Variants in KCNH2 observed in about 807,000 individuals in gnomAD.
The protein encoded by KCNH2 is potassium voltage-gated channel subfamily H member 2, also known as voltage-gated inwardly rectifying potassium channel KCNH2.
Under a neutral mutation model 95.9 loss-of-function variants are expected in KCNH2, and 35 were observed. The observed-to-expected ratio is 0.37, with a 90% CI of 0.28 to 0.48. KCNH2 has a LOEUF of 0.48. Ranked by LOEUF, KCNH2 falls within the 20% of genes least tolerant of loss-of-function variation. The pLI is 0.99. For synonymous variants in KCNH2, 786 were observed against 754.7 expected, an observed-to-expected ratio of 1.04 and a Z score of -0.68; for missense variants, 1,274 against 1,702.9, an observed-to-expected ratio of 0.75 and a Z score of 4.43.
Position 150,958,314 on chromosome 7 carries a change from G to C in KCNH2, c.661C>G (p.His221Asp), listed in dbSNP as rs1801452829. The C allele has an allele frequency of 6.7e-7, 1 of 1,483,456 alleles. No individual in the cohort carries two copies. Among genetic ancestry groups the C allele is most frequent in the Non-Finnish European group, 8.9e-7 (1 of 1,123,582 alleles). The allele number at this position is 1,483,456 out of a possible 1,614,324, so 91.9% of individuals were successfully genotyped here. Residue 221 changes from histidine to aspartate, a missense_variant, in exon 4 of 15, where the codon CAC becomes GAC. By Grantham distance (81) the His-to-Asp change is moderately conservative (BLOSUM62 -1). This residue lies in a region of KCNH2 where 392 missense variants were observed against 429.9 expected (regional missense o/e 0.91). Transcript: ENST00000262186. ...ALDEVTAMDN[H>D]VAGLGPAEER... ...TCCGCGGGCCCGAGCCCTGCCACGT[G>C]GTTGTCCATGGCTGTCACTTCGTCC...
At chr7:150,972,457 A>C (rs1214968100) in intron 2 of KCNH2, among the ~76,000 whole-genome samples, 1 of 152,230 alleles carries the variant, frequency 6.6e-6, no homozygotes, top group East Asian at 1.9e-4. Context: ...AAGGCAGAAG[A>C]AGCGGAGGCT....
chr7:150,959,975 G>A (rs1801510150), intron 2 of KCNH2, among the ~76,000 whole-genome samples: 1 of 152,066 alleles, frequency 6.6e-6, no homozygotes. Flanking sequence ...CCCTCTCTCT[G>A]CCTATATGAT....
At position 150,947,321 on chromosome 7, in the gene KCNH2, C is replaced by T; in HGVS notation, c.3152+7G>A. 1.3e-6 allele frequency: 2 copies of T among 1,539,576 alleles called. No individual in the cohort carries two copies. The highest frequency in any genetic ancestry group is 1.2e-5 in the South Asian group (1 of 83,852). On this transcript the variant is annotated splice_region_variant and intron_variant, in intron 13 of 14. Transcript: ENST00000262186. ...CGTGCCCCCCCACCCCACCTGCACT[C>T]CCTCACCTGTTGAGCTGGCGCTGGA...
rs1479777140 is a variant in KCNH2 at position 150,977,716 on chromosome 7, C to G, written c.76+122G>C. On this transcript the variant is annotated intron_variant, in intron 1 of 14. Coordinates refer to ENST00000262186, the MANE Select transcript of KCNH2 (RefSeq NM_000238.4). Reference sequence around the variant, plus strand: ...TCCCCTCGCCAAAGCCTGGGGCCCACCAGGCCCCATTGACTCGCACTTGCC... The same window carrying G: ...TCCCCTCGCCAAAGCCTGGGGCCCAGCAGGCCCCATTGACTCGCACTTGCC... 7 of 793,206 alleles carry G rather than the reference C, an allele frequency of 8.8e-6. 1 individual carries two copies. In the Admixed American group the frequency reaches 9.2e-5, roughly 10 times the overall value. The allele number at this position is 793,206 out of a possible 1,614,324, so 49.1% of individuals were successfully genotyped here.
chr7:150,959,460 C>T (rs889989075), intron 3 of KCNH2, 112 bp downstream of exon 3: 1 of 1,334,158 alleles, frequency 7.5e-7, no homozygotes, highest in African/African-American at 1.5e-5. Flanking sequence ...GGGGACCCCC[C>T]ACCCAACCAT....
Position 150,945,447 on chromosome 7 carries a change from G to A in KCNH2, c.3398C>T (p.Thr1133Ile). Residue 1133 changes from threonine to isoleucine, a missense_variant, in exon 15 of 15, where the codon ACA (threonine) becomes ATA (isoleucine). Transcript: ENST00000262186. The surrounding 1 kb of genome is among the most constrained non-coding windows in gnomAD (Gnocchi z 5.6). ...CTGGCCCGGTAGGGAGAGGCGTCGT[G>A]TGGGGCCTTCTTGGGGAAGCTCTGG... The part of the protein sequence containing the change: ...GAPELPQEGP[T>I]RRLSLPGQLG... 6.4e-7 allele frequency: 1 copy of A among 1,566,278 alleles called. No homozygotes were observed. The highest frequency in any genetic ancestry group is 1.2e-5 in the South Asian group (1 of 85,168).
chr7:150,949,739 G>C (rs1262853601), intron 9 of KCNH2: 2 of 1,187,828 alleles, frequency 1.7e-6, no homozygotes, highest in Non-Finnish European at 2.1e-6. Context: ...GGGTAGAAAG[G>C]AAGTGGGGGG....
At chr7:150,959,793 G>C (rs1208340436) in intron 2 of KCNH2, 57 bp from the exon 3 acceptor site, 1 of 1,605,510 alleles carries the variant, frequency 6.2e-7, no homozygotes, top group Non-Finnish European at 8.5e-7. Flanking sequence ...AGAGCAGAAA[G>C]CCACGCAGGA....
chr7:150,957,987 G>T (rs1801433831), intron 4 of KCNH2, 72 bp downstream of exon 4: 11 of 1,194,154 alleles, frequency 9.2e-6, no homozygotes, highest in Non-Finnish European at 1.2e-5. Flanking sequence ...GAAGCCGAGG[G>T]CCCAGAATGC....
intron 5 of KCNH2, among the ~76,000 whole-genome samples, chr7:150,957,001 G>A (rs1337858927): frequency 6.6e-6 from 1 of 151,996 alleles, no homozygotes; most frequent in Non-Finnish European, 1.5e-5. Context: ...CAACTGCCCT[G>A]TCCTCACCCT....
rs1801383359 is a variant in KCNH2, at chr7:150,956,550, C to T, written c.1128+741G>A. 2.0e-5 allele frequency among the ~76,000 whole-genome samples: 3 copies of T among 152,182 alleles called. No homozygotes were observed. The South Asian group carries it at 6.2e-4, about 32-fold the overall frequency. On this transcript the variant is annotated intron_variant, in intron 5 of 14. Transcript: ENST00000262186. Reference sequence around the variant, plus strand: ...GGATAAGGTGTCGGGTGGATGAAGCCATGGAGGGGTCGCAGGTCCTCTTGC... The same window carrying T: ...GGATAAGGTGTCGGGTGGATGAAGCTATGGAGGGGTCGCAGGTCCTCTTGC...
At chr7:150,969,759 A>G (rs2117047064) in intron 2 of KCNH2, among the ~76,000 whole-genome samples, 1 of 152,332 alleles carries the variant, frequency 6.6e-6, no homozygotes, top group South Asian at 2.1e-4. Context: ...GGAGAGGGAC[A>G]GGGAACCTCC....
intron 1 of KCNH2, among the ~76,000 whole-genome samples, chr7:150,976,736 C>A (rs1801988756): frequency 6.6e-6 from 1 of 151,412 alleles, no homozygotes; most frequent in Non-Finnish European, 1.5e-5. Context: ...CAGCACCCCC[C>A]CCCACATCCA....
intron 5 of KCNH2, among the ~76,000 whole-genome samples, chr7:150,954,837 G>C (rs867326180): frequency 1.3e-5 from 2 of 152,218 alleles, no homozygotes; most frequent in African/African-American, 2.4e-5. Context: ...GCATGGCCCA[G>C]CCACCACACC....
In KCNH2 at chr7:150,946,589, C is replaced by T. The variant is rs575584480; in HGVS notation, c.3330+288G>A. 1.4e-4 allele frequency among the ~76,000 whole-genome samples: 22 copies of T among 152,278 alleles called. No individual in the cohort carries two copies. The East Asian group carries it at 3.7e-3, about 25-fold the overall frequency. On this transcript the variant is annotated intron_variant, in intron 14 of 14. Coordinates refer to ENST00000262186, the MANE Select transcript of KCNH2 (RefSeq NM_000238.4). The surrounding 1 kb of genome is among the most constrained non-coding windows in gnomAD (Gnocchi z 6.5). ...CTTCAGGCGATGCTCCGGGGCCTGGCGGTGGAGGCTGTGGACACTAGGGGA... is the reference window on the plus strand; with the variant it reads ...CTTCAGGCGATGCTCCGGGGCCTGGTGGTGGAGGCTGTGGACACTAGGGGA...
intron 9 of KCNH2, 183 bp downstream of exon 9, chr7:150,949,985 C>A: frequency 6.4e-7 from 1 of 1,551,346 alleles, no homozygotes; most frequent in Non-Finnish European, 8.7e-7. Flanking sequence ...GCAGCCTCAC[C>A]CCACGTGGGG....
At chr7:150,966,387 C>CG (rs1801704660) in intron 2 of KCNH2, among the ~76,000 whole-genome samples, 1 of 57,690 alleles carries the variant, frequency 1.7e-5, no homozygotes, top group African/African-American at 1.0e-4. Context: ...CCCCTCCCCC[C>CG]CCCCCACACA....
chr7:150,950,781 G>A, intron 8 of KCNH2, 140 bp downstream of exon 8: 1 of 905,874 alleles, frequency 1.1e-6, no homozygotes, highest in South Asian at 1.4e-5. Flanking sequence ...TTCCTCATGG[G>A]CAAAAAGGGG....
intron 2 of KCNH2, among the ~76,000 whole-genome samples, chr7:150,965,552 T>A (rs1383361464): frequency 6.6e-6 from 1 of 152,058 alleles, no homozygotes; most frequent in Non-Finnish European, 1.5e-5. Flanking sequence ...GCGCCCCAGC[T>A]TCAGCCCTTC....
Sources: allele counts gnomAD v4.1 joint callset (sites outside exome capture counted in the v4.1 genomes callset), GRCh38; gene constraint gnomAD v4.1.1; regional missense constraint gnomAD v4.1.1; non-coding constraint Gnocchi (gnomAD v3.1); transcripts MANE v1.5; gene names NCBI Gene and HGNC (gene_info 2026-07-23, HGNC 2026-07-21).